The following PRRX1 variants were observed in gnomAD, a reference collection of about 807,000 sequenced individuals.
The protein encoded by PRRX1 is paired related homeobox 1, also known as paired mesoderm homeobox protein 1.
PRRX1 carries 8 observed loss-of-function variants against 24.0 expected under a neutral mutation model. The observed-to-expected ratio is 0.33, with a 90% CI of 0.20 to 0.60. The LOEUF is 0.60. Ranked by LOEUF, PRRX1 falls within the 20% of genes least tolerant of loss-of-function variation. The pLI is 0.82. For missense variants in PRRX1, 281 were observed against 322.4 expected (o/e 0.87, Z 0.98); for synonymous variants, 160 against 131.7 (o/e 1.22, Z -1.47).
At chr1:170,679,620 C>A (rs746574982) in intron 1 of PRRX1, among the ~76,000 whole-genome samples, 1 of 152,064 alleles carries the variant, frequency 6.6e-6, no homozygotes, top group South Asian at 2.1e-4. Flanking sequence ...AGGATGGTCT[C>A]GATCTCCTGA....
chr1:170,669,619 CCTA>C (rs981297727), intron 1 of PRRX1, among the ~76,000 whole-genome samples: 2 of 151,814 alleles, frequency 1.3e-5, no homozygotes, highest in African/African-American at 4.8e-5. Context: ...CAATCCCTCT[CCTA>C]CACACTGTTT....
intron 1 of PRRX1, among the ~76,000 whole-genome samples, chr1:170,705,989 G>GC (rs918647132): frequency 5.7e-4 from 85 of 148,930 alleles, no homozygotes; most frequent in Admixed American, 4.8e-3. Context: ...GAGAAATTAT[G>GC]CCCCCCACCC....
At chr1:170,668,193 G>C (rs559230160) in intron 1 of PRRX1, 2 of 152,450 alleles carry the variant, frequency 1.3e-5, no homozygotes, top group African/African-American at 4.8e-5. Context: ...AGTGTGAATG[G>C]GGGTGGTGGC....
chr1:170,721,834 T>C (rs1181793938), intron 2 of PRRX1, among the ~76,000 whole-genome samples: 3 of 152,176 alleles, frequency 2.0e-5, no homozygotes, highest in African/African-American at 7.2e-5. Context: ...AAAAACCCCA[T>C]GTCTTTTATG....
At chr1:170,732,965 T>C (rs1194649911) in intron 3 of PRRX1, among the ~76,000 whole-genome samples, 1 of 152,148 alleles carries the variant, frequency 6.6e-6, no homozygotes, top group East Asian at 1.9e-4. Flanking sequence ...TGTTCTTTAC[T>C]GTGGAAAAGC....
intron 1 of PRRX1, among the ~76,000 whole-genome samples, chr1:170,674,790 G>A (rs182852229): frequency 3.6e-4 from 54 of 151,898 alleles, no homozygotes; most frequent in Admixed American, 1.4e-3. Context: ...ATACCAAAGT[G>A]TAATACATGT....
chr1:170,686,340 CTTTAA>C (rs1173353142), intron 1 of PRRX1, among the ~76,000 whole-genome samples: 1 of 152,114 alleles, frequency 6.6e-6, no homozygotes, highest in Non-Finnish European at 1.5e-5. Context: ...GCGAGCTTTT[CTTTAA>C]AAGGAGCTAC....
intron 1 of PRRX1, among the ~76,000 whole-genome samples, chr1:170,665,229 C>A (rs1238966036): frequency 2.0e-5 from 3 of 152,246 alleles, no homozygotes; most frequent in African/African-American, 7.2e-5. Flanking sequence ...AGCTTCAGTG[C>A]GGAGGCCAGT....
chr1:170,678,715 C>T (rs1169306760), intron 1 of PRRX1, among the ~76,000 whole-genome samples: 1 of 152,014 alleles, frequency 6.6e-6, no homozygotes, highest in Non-Finnish European at 1.5e-5. Flanking sequence ...TTCTTTTGGC[C>T]GTTGTTTTTC....
In PRRX1 at chr1:170,738,719, A is replaced by G. The variant is rs1044557391; in HGVS notation, c.*2533A>G. Reference sequence around the variant, plus strand: ...AAAAGGTTTTACTGAGAAGGGGAAAACCTTAGATAGAGGGACATGTGAAAC... The same window carrying G: ...AAAAGGTTTTACTGAGAAGGGGAAAGCCTTAGATAGAGGGACATGTGAAAC... On this transcript the variant is annotated 3_prime_UTR_variant, in exon 4 of 4. Transcript: ENST00000239461. 1.8e-5 allele frequency: 4 copies of G among 228,284 alleles called. No individual in the cohort carries two copies. The highest frequency in any genetic ancestry group is 3.5e-5 in the Non-Finnish European group (4 of 115,028). 14.1% of individuals were successfully genotyped at this position (228,284 alleles called of 1,614,324 possible). A position where few individuals can be genotyped will look rare whatever the true frequency, so the allele number is the denominator to read the frequency against.
rs549938562 is a variant in PRRX1 at position 170,680,936 on chromosome 1, A to G, written c.241+16477A>G. Among the ~76,000 whole-genome samples, 10 of 152,338 alleles carry G rather than the reference A, an allele frequency of 6.6e-5. No homozygotes were observed. The South Asian group carries it at 2.1e-3, about 32-fold the overall frequency. On this transcript the variant is annotated intron_variant, in intron 1 of 3. Transcript: ENST00000239461. ...GTTCTATTCCTGTTAACCCATGGGTATGTAAAATGTATCAATGAAACAACA... is the reference window on the plus strand; with the variant it reads ...GTTCTATTCCTGTTAACCCATGGGTGTGTAAAATGTATCAATGAAACAACA...
At chr1:170,666,349 C>G (rs1364272850) in intron 1 of PRRX1, among the ~76,000 whole-genome samples, 2 of 135,424 alleles carry the variant, frequency 1.5e-5, no homozygotes, top group Non-Finnish European at 3.0e-5. Flanking sequence ...ACCCGGGAAG[C>G]AGAGGTTGCA....
At chr1:170,718,582 A>G (rs1199462972) in intron 1 of PRRX1, among the ~76,000 whole-genome samples, 4 of 152,174 alleles carry the variant, frequency 2.6e-5, no homozygotes, top group Non-Finnish European at 5.9e-5. Context: ...CCTCACTCCA[A>G]CACTTCATAA....
At chr1:170,729,601 C>G (rs1432299914) in intron 3 of PRRX1, among the ~76,000 whole-genome samples, 1 of 152,112 alleles carries the variant, frequency 6.6e-6, no homozygotes, top group Non-Finnish European at 1.5e-5. Context: ...AATAATTATA[C>G]TAGGACAACA....
At chr1:170,686,658 G>C (rs1379711450) in intron 1 of PRRX1, among the ~76,000 whole-genome samples, 4 of 152,124 alleles carry the variant, frequency 2.6e-5, no homozygotes. Context: ...TTCCATGAGA[G>C]ATATTTCCAG....
chr1:170,693,105 C>T (rs1309337514), intron 1 of PRRX1, among the ~76,000 whole-genome samples: 2 of 151,962 alleles, frequency 1.3e-5, no homozygotes, highest in African/African-American at 4.8e-5. Flanking sequence ...TGGGAGACTG[C>T]AATGTGTGCT....
chr1:170,712,582 G>A (rs1025747850), intron 1 of PRRX1, among the ~76,000 whole-genome samples: 1 of 152,142 alleles, frequency 6.6e-6, no homozygotes, highest in African/African-American at 2.4e-5. Context: ...AACACATTAT[G>A]GTAGCACTGG....
In PRRX1 at chr1:170,738,956, C is replaced by T. The variant is rs1016882090; in HGVS notation, c.*2770C>T. 7.5e-5 allele frequency: 17 copies of T among 226,592 alleles called. No individual in the cohort carries two copies. In the East Asian group the frequency reaches 1.1e-3, roughly 14 times the overall value. The allele number at this position is 226,592 out of a possible 1,614,324, so 14.0% of individuals were successfully genotyped here. ...ATACCATAAGCATGTATTATCTAAG[C>T]ACTTGATCAAGAAATATACATGTTG... On this transcript the variant is annotated 3_prime_UTR_variant, in exon 4 of 4. Transcript: ENST00000239461.
At chr1:170,702,253 G>T (rs1654410471) in intron 1 of PRRX1, among the ~76,000 whole-genome samples, 2 of 152,186 alleles carry the variant, frequency 1.3e-5, no homozygotes, top group Non-Finnish European at 2.9e-5. Flanking sequence ...TCAGGCCACG[G>T]ACTGTTACCG....
Sources: allele counts gnomAD v4.1 joint callset (sites outside exome capture counted in the v4.1 genomes callset), GRCh38; gene constraint gnomAD v4.1.1; transcripts MANE v1.5; gene names NCBI Gene and HGNC (gene_info 2026-07-23, HGNC 2026-07-21).